Variants in CNBD1 observed in about 807,000 individuals in gnomAD.
CNBD1 encodes cyclic nucleotide binding domain containing 1, also known as cyclic nucleotide-binding domain-containing protein 1.
Under a neutral mutation model 54.4 loss-of-function variants are expected in CNBD1, and 71 were observed. That is an observed-to-expected ratio of 1.30 (90% CI 1.08 to 1.59). CNBD1 has a LOEUF of 1.59. Ranked by LOEUF, CNBD1 falls within the 40% of genes most tolerant of loss-of-function variation. The pLI is 0.00. For synonymous variants in CNBD1, 182 were observed against 170.7 expected, an observed-to-expected ratio of 1.07 and a Z score of -0.51; for missense variants, 659 against 518.0, an observed-to-expected ratio of 1.27 and a Z score of -2.64.
At chr8:87,400,530 C>T (rs1465807099) in intron 2 of CNBD1, among the ~76,000 whole-genome samples, 1 of 151,802 alleles carries the variant, frequency 6.6e-6, no homozygotes, top group Non-Finnish European at 1.5e-5. Context: ...ATTCTAATGG[C>T]CATCAATAAA....
intron 2 of CNBD1, among the ~76,000 whole-genome samples, chr8:86,902,940 T>G (rs1266147174): frequency 6.6e-6 from 1 of 152,134 alleles, no homozygotes; most frequent in Non-Finnish European, 1.5e-5. Context: ...ACAATAATAC[T>G]TTTCTACTGA....
intron 4 of CNBD1, among the ~76,000 whole-genome samples, chr8:87,100,973 GAAAT>G (rs1002328342): frequency 2.0e-5 from 3 of 152,116 alleles, no homozygotes; most frequent in Admixed American, 6.5e-5. Flanking sequence ...TCCAGAAAGA[GAAAT>G]AAATGAAACA....
chr8:86,965,148 A>C (rs1808037289), intron 4 of CNBD1, among the ~76,000 whole-genome samples: 1 of 152,204 alleles, frequency 6.6e-6, no homozygotes, highest in African/African-American at 2.4e-5. Flanking sequence ...CTCATTCTAC[A>C]CAGTAGTATC....
At chr8:86,967,287 C>A (rs951716642) in intron 4 of CNBD1, among the ~76,000 whole-genome samples, 2 of 152,246 alleles carry the variant, frequency 1.3e-5, no homozygotes, top group Non-Finnish European at 2.9e-5. Flanking sequence ...TTGCTTGCTG[C>A]GGGCCCTACC....
chr8:86,889,376 A>G (rs1808731236), intron 2 of CNBD1, among the ~76,000 whole-genome samples: 1 of 152,192 alleles, frequency 6.6e-6, no homozygotes, highest in South Asian at 2.1e-4. Context: ...TAAAAACTTC[A>G]GAATTCAAGT....
At chr8:87,160,693 A>G (rs1812839448) in intron 4 of CNBD1, among the ~76,000 whole-genome samples, 1 of 152,182 alleles carries the variant, frequency 6.6e-6, no homozygotes, top group African/African-American at 2.4e-5. Context: ...TGGTAGAATC[A>G]AAAGGCACTG....
intron 4 of CNBD1, among the ~76,000 whole-genome samples, chr8:87,164,333 C>G (rs957841851): frequency 6.6e-6 from 1 of 151,540 alleles, no homozygotes; most frequent in Non-Finnish European, 1.5e-5. Flanking sequence ...GTTGTCTCTT[C>G]AATTGTTTGA....
intron 6 of CNBD1, among the ~76,000 whole-genome samples, chr8:87,255,464 G>C (rs1168173007): frequency 6.6e-6 from 1 of 151,756 alleles, no homozygotes; most frequent in Non-Finnish European, 1.5e-5. Context: ...AGAGATCAGA[G>C]AAATAACAAT....
At chr8:87,424,253 G>C (rs1266317101) in intron 2 of CNBD1, among the ~76,000 whole-genome samples, 1 of 151,878 alleles carries the variant, frequency 6.6e-6, no homozygotes, top group Non-Finnish European at 1.5e-5. Flanking sequence ...TTTTTTGAAG[G>C]GTTTTTTGTG....
At chr8:86,903,562 G>C (rs1808970985) in intron 2 of CNBD1, among the ~76,000 whole-genome samples, 1 of 151,966 alleles carries the variant, frequency 6.6e-6, no homozygotes, top group African/African-American at 2.4e-5. Flanking sequence ...TTATTAAATG[G>C]GGGACAGAAT....
intron 10 of CNBD1, among the ~76,000 whole-genome samples, chr8:87,377,230 C>A (rs1404223080): frequency 1.3e-5 from 2 of 150,916 alleles, no homozygotes; most frequent in African/African-American, 2.4e-5. Context: ...TATACATGTG[C>A]CATGCTGGTG....
intron 8 of CNBD1, among the ~76,000 whole-genome samples, chr8:87,308,244 C>T (rs766112794): frequency 1.3e-5 from 2 of 152,094 alleles, no homozygotes; most frequent in Non-Finnish European, 2.9e-5. Flanking sequence ...AGACCTGCCC[C>T]TAGGAATTGG....
At chr8:87,336,651 A>G (rs1415513669) in intron 8 of CNBD1, among the ~76,000 whole-genome samples, 1 of 151,864 alleles carries the variant, frequency 6.6e-6, no homozygotes, top group Admixed American at 6.6e-5. Context: ...ATGCTCCTTT[A>G]CCTCAGTGAA....
At chr8:87,031,102 A>C (rs1156554330) in intron 4 of CNBD1, among the ~76,000 whole-genome samples, 1 of 151,430 alleles carries the variant, frequency 6.6e-6, no homozygotes, top group Non-Finnish European at 1.5e-5. Context: ...AGAAGTTAAA[A>C]AAATTAAACA....
intron 6 of CNBD1, among the ~76,000 whole-genome samples, chr8:87,262,170 C>G (rs1222983613): frequency 6.6e-6 from 1 of 151,720 alleles, no homozygotes; most frequent in Non-Finnish European, 1.5e-5. Context: ...ACAAACAAAA[C>G]AAAACAAAAA....
intron 8 of CNBD1, among the ~76,000 whole-genome samples, chr8:87,293,584 C>T (rs1808823464): frequency 1.3e-5 from 2 of 152,112 alleles, no homozygotes; most frequent in Non-Finnish European, 2.9e-5. Flanking sequence ...TCAAATGCTT[C>T]AGTAACTACA....
chr8:86,949,357 C>G (rs1373533028), intron 4 of CNBD1, among the ~76,000 whole-genome samples: 1 of 152,142 alleles, frequency 6.6e-6, no homozygotes, highest in African/African-American at 2.4e-5. Context: ...GACATCTTAA[C>G]AATATTGATT....
At chr8:87,281,565 T>TATATATATAG (rs1808600963) in intron 6 of CNBD1, among the ~76,000 whole-genome samples, 1 of 14,718 alleles carries the variant, frequency 6.8e-5, no homozygotes, top group African/African-American at 2.5e-4. Context: ...TATATATATA[T>TATATATATAG]ATATATATAT....
At chr8:86,916,615 T>C (rs540910192) in intron 3 of CNBD1, among the ~76,000 whole-genome samples, 1 of 152,308 alleles carries the variant, frequency 6.6e-6, no homozygotes, top group South Asian at 2.1e-4. Context: ...TGGGATCTTA[T>C]TGGAAAACTG....
Sources: gnomAD v4.1 joint callset for allele counts (sites outside exome capture counted in the v4.1 genomes callset) on GRCh38, gnomAD v4.1.1 for gene constraint, MANE v1.5 for transcripts, NCBI Gene and HGNC (gene_info 2026-07-23, HGNC 2026-07-21) for gene names.